Variants in DMBT1 observed in about 807,000 individuals in gnomAD.
DMBT1 encodes the protein deleted in malignant brain tumors 1.
A neutral mutation model predicts 252.9 loss-of-function variants in DMBT1; 198 were observed. That is an observed-to-expected ratio of 0.78 (90% confidence interval 0.70 to 0.88). DMBT1 has a LOEUF of 0.88. Ranked by LOEUF, DMBT1 falls within the 40% of genes least tolerant of loss-of-function variation. DMBT1 has a pLI of 0.00. For missense variants in DMBT1, 2,432 were observed against 2,404.7 expected (o/e 1.01, Z -0.24); for synonymous variants, 990 against 942.7 (o/e 1.05, Z -0.92).
Position 122,637,129 on chromosome 10 carries a change from C to A in DMBT1, c.6759C>A (p.Asn2253Lys), listed in dbSNP as rs771481402. 6.2e-7 allele frequency: 1 copy of A among 1,613,570 alleles called. No individual in the cohort carries two copies. The highest frequency in any genetic ancestry group is 8.5e-7 in the Non-Finnish European group (1 of 1,179,684). ...YYSSPSNDST[N>K]LLCLPNHMQA... ...GCCTTATCTGTCCTTGTCTATCAGA[C>A]CTGCTCTGTCTGCCAAATCACATGC... Residue 2253 changes from asparagine (N) to lysine (K), a missense_variant and splice_region_variant, in exon 54 of 56, where the codon AAC becomes AAA. Asn to Lys is a moderately conservative substitution (Grantham distance 94). Around this residue, in one of 3 missense-constraint regions of DMBT1, gnomAD observed 1,162 missense variants for 1,169.0 expected, o/e 0.99. Transcript: ENST00000338354.
At position 122,640,182 on chromosome 10, in the gene DMBT1, A is replaced by G. The variant is rs1377948329; in HGVS notation, c.7085A>G (p.Asn2362Ser). 3 of 1,613,948 alleles carry G rather than the reference A, an allele frequency of 1.9e-6. No individual in the cohort carries two copies. The highest frequency in any genetic ancestry group is 2.7e-5 in the African/African-American group (2 of 74,954). Residue 2362 changes from asparagine to serine, a missense_variant, in exon 55 of 56, where the codon AAT becomes AGT. Asn to Ser is a conservative substitution (Grantham distance 46). Transcript: ENST00000338354. Reference sequence around the variant, plus strand: ...TGGGTCGACACCATGTACATTGCTAATGACACCATCCACGTTGCTAATAAC... The same window carrying G: ...TGGGTCGACACCATGTACATTGCTAGTGACACCATCCACGTTGCTAATAAC... ...NTWVDTMYIA[N>S]DTIHVANNTI...
rs763976298 is a variant in DMBT1, at chr10:122,631,874, T to C, written c.6366T>C (p.Pro2122=). ...VICSGNHLST[P]APFLNITRPN... ...TTTCAGGAAACCATCTATCGACACC[T>C]GGTAAGTCCCTCCGATTTCCATTCC... The change falls in exon 50 of 56, where the codon CCT becomes CCC. Residue 2122 remains proline, a splice_region_variant and synonymous_variant. Transcript: ENST00000338354. 1.2e-6 allele frequency: 2 copies of C among 1,613,890 alleles called. No individual in the cohort carries two copies. Among genetic ancestry groups the C allele is most frequent in the Non-Finnish European group, 1.7e-6 (2 of 1,179,820 alleles).
At chr10:122,567,844 A>T (rs2097613089) in intron 2 of DMBT1, among the ~76,000 whole-genome samples, 1 of 152,214 alleles carries the variant, frequency 6.6e-6, no homozygotes, top group Non-Finnish European at 1.5e-5. Context: ...CTTGATCCTG[A>T]TGGGACTGGA....
At chr10:122,580,951 C>G in intron 11 of DMBT1, 56 bp downstream of exon 11, 2 of 1,592,104 alleles carry the variant, frequency 1.3e-6, no homozygotes, top group South Asian at 2.2e-5. Context: ...CCAATCACCC[C>G]TTCCACACTC....
At position 122,579,801 on chromosome 10, in the gene DMBT1, G is replaced by A. The variant is rs1284330802; in HGVS notation, c.903G>A (p.Val301=). 3 of 1,607,414 alleles carry A rather than the reference G, an allele frequency of 1.9e-6. No individual in the cohort carries two copies. In the East Asian group the frequency reaches 6.7e-5, roughly 36 times the overall value. ...QGSGPIVLDD[V]RCSGHESYLW... is the part of the protein sequence containing the mutation. ...CAGGACCCATTGTCCTGGATGATGT[G>A]CGCTGCTCAGGACATGAGTCCTACC... The change falls in exon 10 of 56, where the codon GTG becomes GTA. Residue 301 remains valine (V), a synonymous_variant. Coordinates refer to ENST00000338354, the MANE Select transcript of DMBT1 (RefSeq NM_001377530.1).
At chr10:122,631,779 G>A in intron 49 of DMBT1, 76 bp from the exon 50 acceptor site, 1 of 1,534,662 alleles carries the variant, frequency 6.5e-7, no homozygotes, top group South Asian at 1.1e-5. Flanking sequence ...CCATGTAAGT[G>A]TATCTCTGTC....
At chr10:122,634,425 C>G (rs1228804665) in intron 52 of DMBT1, among the ~76,000 whole-genome samples, 1 of 70,572 alleles carries the variant, frequency 1.4e-5, no homozygotes, top group Non-Finnish European at 2.4e-5. Flanking sequence ...CTCTCTCTCT[C>G]TCTCTTCTCT....
chr10:122,590,690 G>A lies in DMBT1; in HGVS notation c.2133G>A (p.Arg711=). ...CSAAQSRSTP[R]PDTLSTITLP... ...CTGCCCAGTCCCGGTCGACGCCCAG[G>A]CCAGGTGAGTCCCCAGTGTCCTTCC... The change falls in exon 18 of 56, where the codon AGG becomes AGA. Residue 711 remains arginine (R), a synonymous_variant. Transcript: ENST00000338354. 6.3e-7 allele frequency: 1 copy of A among 1,587,628 alleles called. No individual in the cohort carries two copies. The highest frequency in any genetic ancestry group is 1.7e-5 in the Admixed American group (1 of 59,464).
At chr10:122,571,485 C>A (rs555227891) in intron 4 of DMBT1, among the ~76,000 whole-genome samples, 1 of 152,106 alleles carries the variant, frequency 6.6e-6, no homozygotes, top group South Asian at 2.1e-4. Context: ...AATTGAGGAG[C>A]GAACCAAGGC....
chr10:122,592,757 A>G (rs771840728), intron 20 of DMBT1, among the ~76,000 whole-genome samples, 162 bp downstream of exon 20: 1 of 148,864 alleles, frequency 6.7e-6, no homozygotes, highest in Non-Finnish European at 1.5e-5. Context: ...ATTTTACTAC[A>G]GGGCTTGGTG....
At chr10:122,635,862 A>C in intron 52 of DMBT1, 129 bp from the exon 53 acceptor site, 6 of 956,100 alleles carry the variant, frequency 6.3e-6, no homozygotes, top group Non-Finnish European at 9.6e-6. Flanking sequence ...AGCCAAGGAG[A>C]CCTATGACTT....
chr10:122,638,303 ATTCACACTCG>A (rs966094948), intron 54 of DMBT1, among the ~76,000 whole-genome samples: 1 of 151,486 alleles, frequency 6.6e-6, no homozygotes, highest in East Asian at 1.9e-4. Flanking sequence ...ATTCACACCC[ATTCACACTCG>A]TTCACACCCA....
chr10:122,597,105 T>C (rs1174858409), intron 24 of DMBT1, 51 bp downstream of exon 24: 1 of 425,464 alleles, frequency 2.4e-6, no homozygotes, highest in Non-Finnish European at 4.1e-6. Context: ...TCTGTATAAT[T>C]ATCCCTTTCT....
At chr10:122,568,403 C>A (rs1443388730) in intron 2 of DMBT1, among the ~76,000 whole-genome samples, 1 of 151,968 alleles carries the variant, frequency 6.6e-6, no homozygotes, top group East Asian at 1.9e-4. Context: ...TGAGGTTCTC[C>A]AGGGGGAAAA....
intron 46 of DMBT1, among the ~76,000 whole-genome samples, chr10:122,627,782 C>A (rs148872623): frequency 6.0e-4 from 91 of 152,236 alleles, no homozygotes; most frequent in Middle Eastern, 3.4e-3. Context: ...AATGGGAGAA[C>A]GTATTTCTAT....
chr10:122,618,569 C>T (rs1451979070), intron 41 of DMBT1, among the ~76,000 whole-genome samples: 3 of 152,198 alleles, frequency 2.0e-5, no homozygotes, highest in Non-Finnish European at 4.4e-5. Flanking sequence ...AGACTTTATC[C>T]CCATCCTGAG....
intron 4 of DMBT1, 37 bp from the exon 5 acceptor site, chr10:122,572,276 GC>G (rs1414784071): frequency 6.2e-7 from 1 of 1,612,244 alleles, no homozygotes; most frequent in Non-Finnish European, 8.5e-7. Flanking sequence ...TCAAGCAAGG[GC>G]TACCATCAAT....
At chr10:122,631,941 CTG>C in intron 50 of DMBT1, 66 bp downstream of exon 50, 1 of 1,541,462 alleles carries the variant, frequency 6.5e-7, no homozygotes, top group South Asian at 1.1e-5. Context: ...GCTGCCTAGA[CTG>C]TGCAGGGCAT....
At chr10:122,566,461 A>G (rs4453167) in intron 2 of DMBT1, among the ~76,000 whole-genome samples, 101,562 of 151,554 alleles carry the variant, frequency 0.67, 34,395 homozygotes, top group East Asian at 0.77. Context: ...ACAGGTGCGC[A>G]CCACCACGCC....
Sources: gnomAD v4.1 joint callset for allele counts (sites outside exome capture counted in the v4.1 genomes callset) on GRCh38, gnomAD v4.1.1 for gene constraint, gnomAD v4.1.1 regional missense constraint, MANE v1.5 for transcripts, NCBI Gene and HGNC (gene_info 2026-07-23, HGNC 2026-07-21) for gene names.